LARP4B: variants seen among roughly 807,000 people sequenced by gnomAD.
LARP4B encodes the protein La ribonucleoprotein 4B.
A neutral mutation model predicts 89.8 loss-of-function variants in LARP4B; 12 were observed. The ratio of observed to expected loss-of-function variants is 0.13; its 90% confidence interval spans 0.09 to 0.22. LARP4B has a LOEUF of 0.22. Among genes scored for constraint, LARP4B ranks in the 10% least tolerant of loss-of-function variants. The probability of loss-of-function intolerance (pLI) is 1.00; values close to 1 mark genes in which losing one functional copy is unlikely to be tolerated. For synonymous variants in LARP4B, 367 were observed against 363.3 expected, an observed-to-expected ratio of 1.01 and a Z score of -0.12; for missense variants, 757 against 947.7, an observed-to-expected ratio of 0.80 and a Z score of 2.64.
At chr10:935,389 G>A (rs1830736410), upstream of LARP4B, among the ~76,000 whole-genome samples, 1 of 152,186 alleles carries the variant, frequency 6.6e-6, no homozygotes, top group African/African-American at 2.4e-5. Flanking sequence ...TCCTGTACTT[G>A]GATGTCTCCT....
the LARP4B span, among the ~76,000 whole-genome samples, chr10:982,993 A>G: frequency 6.6e-6 from 1 of 152,278 alleles, no homozygotes; most frequent in Admixed American, 6.5e-5. Context: ...TTTATGAAGG[A>G]AGACCTGCAT....
intron 3 of LARP4B, chr10:873,323 C>A: frequency 4.1e-6 from 4 of 985,378 alleles, no homozygotes; most frequent in Non-Finnish European, 4.8e-6. Context: ...CAACAGAGCC[C>A]GACTGACAGC....
intron 7 of LARP4B, 107 bp from the exon 8 acceptor site, chr10:836,613 C>A: frequency 1.4e-6 from 1 of 705,994 alleles, no homozygotes; most frequent in African/African-American, 1.8e-5. Flanking sequence ...CTAAAGAAAC[C>A]TGCAAATGGG....
the LARP4B span, among the ~76,000 whole-genome samples, chr10:936,965 AAAAT>A: frequency 6.6e-6 from 1 of 152,252 alleles, no homozygotes; most frequent in African/African-American, 2.4e-5. Context: ...GGGTAAGTAA[AAAAT>A]AGTAGCATTG....
chr10:836,166 T>C (rs1277681658), intron 8 of LARP4B, among the ~76,000 whole-genome samples: 1 of 152,178 alleles, frequency 6.6e-6, no homozygotes, highest in African/African-American at 2.4e-5. Flanking sequence ...TTTCTAAATA[T>C]AGAAATGCAT....
chr10:934,826 G>A (rs1270231002), upstream of LARP4B, among the ~76,000 whole-genome samples: 5 of 152,052 alleles, frequency 3.3e-5, no homozygotes, highest in South Asian at 6.2e-4. Context: ...CCTTCTCCCC[G>A]TCCCCCCAGT....
intron 1 of LARP4B, among the ~76,000 whole-genome samples, chr10:906,111 A>G (rs1836484967): frequency 6.6e-6 from 1 of 152,212 alleles, no homozygotes; most frequent in Non-Finnish European, 1.5e-5. Context: ...GGTCAATTAG[A>G]TATTATTTCT....
chr10:919,509 A>T (rs1836922769), intron 1 of LARP4B, among the ~76,000 whole-genome samples: 1 of 151,898 alleles, frequency 6.6e-6, no homozygotes, highest in South Asian at 2.1e-4. Flanking sequence ...GAAAAAAGGG[A>T]GGGGGCTTTC....
At chr10:876,399 GA>G (rs1004641181) in intron 3 of LARP4B, among the ~76,000 whole-genome samples, 6 of 150,934 alleles carry the variant, frequency 4.0e-5, no homozygotes, top group African/African-American at 9.7e-5. Flanking sequence ...AAAAAGAAAA[GA>G]AAAAAAAATC....
upstream of LARP4B, among the ~76,000 whole-genome samples, chr10:933,436 A>AT (rs1830708949): frequency 6.6e-6 from 1 of 152,182 alleles, no homozygotes; most frequent in Non-Finnish European, 1.5e-5. Flanking sequence ...CTCAGCGTTC[A>AT]AATGCTGACA....
intron 1 of LARP4B, among the ~76,000 whole-genome samples, chr10:900,255 G>C (rs763553954): frequency 6.6e-6 from 1 of 151,984 alleles, no homozygotes; most frequent in Non-Finnish European, 1.5e-5. Context: ...GCTGAGGCAG[G>C]AGAATTGCTT....
chr10:926,758 C>T (rs1446524909), intron 1 of LARP4B, among the ~76,000 whole-genome samples: 2 of 152,184 alleles, frequency 1.3e-5, no homozygotes, highest in East Asian at 3.8e-4. Context: ...TAAACATGGC[C>T]GGGCGCAGTG....
At chr10:966,412 C>T in the LARP4B span, among the ~76,000 whole-genome samples, 1 of 152,176 alleles carries the variant, frequency 6.6e-6, no homozygotes, top group Non-Finnish European at 1.5e-5. Context: ...GCCATGATCG[C>T]ACCACTGCAC....
the LARP4B span, among the ~76,000 whole-genome samples, chr10:956,438 C>T: frequency 2.0e-5 from 3 of 151,900 alleles, no homozygotes; most frequent in South Asian, 2.1e-4. This position sits in a 1 kb window ranked among gnomAD's most constrained non-coding sequence, Gnocchi z 4.3. Context: ...GTCTGCCTCC[C>T]GGGTTCACGC....
At chr10:982,171 A>G in the LARP4B span, among the ~76,000 whole-genome samples, 2 of 133,186 alleles carry the variant, frequency 1.5e-5, no homozygotes, top group Admixed American at 8.8e-5. Context: ...GCTGGAGTGC[A>G]GTGGCACAAT....
intron 1 of LARP4B, among the ~76,000 whole-genome samples, chr10:925,670 A>T (rs2132058961): frequency 6.6e-6 from 1 of 152,172 alleles, no homozygotes; most frequent in East Asian, 1.9e-4. Flanking sequence ...AGTAGCTGGG[A>T]TTACGAGCAC....
At chr10:885,503 C>T (rs539002079) in intron 2 of LARP4B, 138 bp downstream of exon 2, 3 of 538,852 alleles carry the variant, frequency 5.6e-6, no homozygotes, top group South Asian at 6.0e-5. Context: ...TCTTTTCTCC[C>T]CTACGAGACT....
intron 1 of LARP4B, among the ~76,000 whole-genome samples, chr10:904,773 AC>A (rs1047672005): frequency 6.6e-6 from 1 of 152,036 alleles, no homozygotes; most frequent in African/African-American, 2.4e-5. Flanking sequence ...TCATTTCCTC[AC>A]TGTATTAATG....
intron 5 of LARP4B, among the ~76,000 whole-genome samples, chr10:854,765 A>G (rs1027176017): frequency 2.0e-5 from 3 of 152,184 alleles, no homozygotes; most frequent in African/African-American, 7.2e-5. Context: ...CTTCAAGTTA[A>G]CGTCACCAGC....
Sources: gnomAD v4.1 joint callset for allele counts (sites outside exome capture counted in the v4.1 genomes callset) on GRCh38, gnomAD v4.1.1 for gene constraint, Gnocchi (gnomAD v3.1) non-coding constraint, MANE v1.5 for transcripts, NCBI Gene and HGNC (gene_info 2026-07-23, HGNC 2026-07-21) for gene names.